Variants in KIAA1549 observed in about 807,000 individuals in gnomAD.
KIAA1549 encodes the protein UPF0606 protein KIAA1549.
A neutral mutation model predicts 156.4 loss-of-function variants in KIAA1549; 70 were observed. The observed-to-expected ratio is 0.45, with a 90% confidence interval of 0.37 to 0.55. KIAA1549 has a LOEUF of 0.55. KIAA1549 is among the 20% of genes least tolerant of loss of function. The probability of loss-of-function intolerance (pLI) is 0.00; values close to 1 mark genes in which losing one functional copy is unlikely to be tolerated. For synonymous variants in KIAA1549, 1,103 were observed against 1,066.4 expected, an observed-to-expected ratio of 1.03 and a Z score of -0.67; for missense variants, 2,428 against 2,540.9, an observed-to-expected ratio of 0.96 and a Z score of 0.96.
At chr7:138,950,176 T>C (rs1264213690) in intron 1 of KIAA1549, among the ~76,000 whole-genome samples, 2 of 152,240 alleles carry the variant, frequency 1.3e-5, no homozygotes, top group Admixed American at 6.5e-5. Context: ...GGTGTTGTTA[T>C]ACAGCCATTC....
intron 1 of KIAA1549, among the ~76,000 whole-genome samples, chr7:138,926,186 G>A (rs1812712650): frequency 6.6e-6 from 1 of 152,120 alleles, no homozygotes; most frequent in South Asian, 2.1e-4. Context: ...CAAAACAAGG[G>A]CTCCTGGCCC....
Position 138,918,073 on chromosome 7 carries a change from G to C in KIAA1549, c.1553C>G (p.Thr518Ser). The change falls in exon 2 of 20, where the codon ACC (threonine) becomes AGC (serine). Residue 518 changes from threonine (T) to serine (S), a missense_variant. Thr to Ser is a moderately conservative substitution (Grantham distance 58). Coordinates refer to ENST00000422774, the MANE Select transcript of KIAA1549 (RefSeq NM_001164665.2). The surrounding 1 kb of genome is among the most constrained non-coding windows in gnomAD (Gnocchi z 4.2). ...SAEVDMSSVT[T>S]TQVPPAHGRL... is the part of the protein sequence containing the mutation. Reference sequence around the variant, plus strand: ...GCCGTGGGCAGGGGGAACCTGTGTGGTTGTAACACTACTCATATCCACCTC... The same window carrying C: ...GCCGTGGGCAGGGGGAACCTGTGTGCTTGTAACACTACTCATATCCACCTC... The C allele has an allele frequency of 3.1e-6, 5 of 1,613,622 alleles. No homozygotes were observed. The highest frequency in any genetic ancestry group is 4.2e-6 in the Non-Finnish European group (5 of 1,179,770).
chr7:138,931,680 A>T (rs1356120277), intron 1 of KIAA1549, among the ~76,000 whole-genome samples: 1 of 147,950 alleles, frequency 6.8e-6, no homozygotes. Context: ...TGAACCCAGG[A>T]GGCAGAGGTT....
Position 138,906,962 on chromosome 7 carries a change from C to A in KIAA1549, c.3417G>T (p.Glu1139Asp). 1 of 1,612,190 alleles carries A rather than the reference C, an allele frequency of 6.2e-7. No individual in the cohort carries two copies. Among genetic ancestry groups the A allele is most frequent in the South Asian group, 1.1e-5 (1 of 90,724 alleles). Residue 1139 changes from glutamate (E) to aspartate (D), a missense_variant, in exon 6 of 20, where the codon GAG (glutamate) becomes GAT (aspartate). Glu to Asp is a conservative substitution (Grantham distance 45). Around this residue, in one of 5 missense-constraint regions of KIAA1549, gnomAD observed 762 missense variants for 901.6 expected, o/e 0.85. Coordinates refer to ENST00000422774, the MANE Select transcript of KIAA1549 (RefSeq NM_001164665.2). ...SELLRNLSVV[E>D]FSFYLGYPVL... ...CTGGGTATCCCAGATAGAAACTGAACTCCACCACACTCAAGTTTCTGAGCA... is the reference window on the plus strand; with the variant it reads ...CTGGGTATCCCAGATAGAAACTGAAATCCACCACACTCAAGTTTCTGAGCA...
At chr7:138,846,636 A>G (rs973310525) in intron 17 of KIAA1549, among the ~76,000 whole-genome samples, 15 of 152,074 alleles carry the variant, frequency 9.9e-5, no homozygotes, top group Non-Finnish European at 1.9e-4. Context: ...AAGGGAAATA[A>G]TATCTTAGTA....
In KIAA1549 at chr7:138,972,683, G is replaced by A. The variant is rs950931907; in HGVS notation, c.187+8400C>T. Among the ~76,000 whole-genome samples, 8 of 152,084 alleles carry A rather than the reference G, an allele frequency of 5.3e-5. No individual in the cohort carries two copies. In the East Asian group the frequency reaches 1.2e-3, roughly 22 times the overall value. On this transcript the variant is annotated intron_variant, in intron 1 of 19. Transcript: ENST00000422774. ...CTCCCAACCTTCCACCAGTCCCTCC[G>A]ATTCCTTCTCCCAACATTACTTCTT...
rs1809775225 is a variant in KIAA1549 at position 138,837,833 on chromosome 7, C to A, written c.*73G>T. ...GTTGCTCCTTCCTCTTCCAAACACC[C>A]ACTCAGTTGATTTCCTTTTGGTCTT... On this transcript the variant is annotated 3_prime_UTR_variant, in exon 20 of 20. Coordinates refer to ENST00000422774, the MANE Select transcript of KIAA1549 (RefSeq NM_001164665.2). 6.6e-7 allele frequency: 1 copy of A among 1,523,044 alleles called. No individual in the cohort carries two copies. The highest frequency in any genetic ancestry group is 2.3e-5 in the East Asian group (1 of 42,800). The allele number at this position is 1,523,044 out of a possible 1,614,324, so 94.3% of individuals were successfully genotyped here. A position where few individuals can be genotyped will look rare whatever the true frequency, so the allele number is the denominator to read the frequency against.
intron 1 of KIAA1549, among the ~76,000 whole-genome samples, chr7:138,961,825 G>T (rs935812489): frequency 1.5e-5 from 2 of 134,022 alleles, no homozygotes; most frequent in African/African-American, 5.8e-5. Context: ...CTAGGTGACA[G>T]ATAGAGGCTC....
chr7:138,980,898 T>C (rs1049037129), intron 1 of KIAA1549, among the ~76,000 whole-genome samples, 185 bp downstream of exon 1: 25 of 152,206 alleles, frequency 1.6e-4, no homozygotes, highest in African/African-American at 6.0e-4. Flanking sequence ...TTCGTTTTAA[T>C]TATTTATTTC....
At chr7:138,877,154 A>AT (rs1239136455) in intron 12 of KIAA1549, among the ~76,000 whole-genome samples, 1 of 152,092 alleles carries the variant, frequency 6.6e-6, no homozygotes, top group African/African-American at 2.4e-5. Context: ...ACCTCCATTA[A>AT]TTTTTACTTC....
At chr7:138,914,621 T>C (rs1488920972) in intron 2 of KIAA1549, among the ~76,000 whole-genome samples, 3 of 152,124 alleles carry the variant, frequency 2.0e-5, no homozygotes. Context: ...AGGTCCAACC[T>C]AAGCAAAGGT....
intron 16 of KIAA1549, among the ~76,000 whole-genome samples, chr7:138,856,466 C>T (rs17160581): frequency 0.096 from 14,612 of 152,198 alleles, 840 homozygotes; most frequent in East Asian, 0.22. Context: ...CTGCATTGCA[C>T]TAGCTGGAGT....
At position 138,840,331 on chromosome 7, in the gene KIAA1549, T is replaced by C. The variant is rs892010024; in HGVS notation, c.5453-53A>G. ...GTCAACATTTATAGGAGAGTATGGC[T>C]GCTGAGGATGGCTGCCGAGGAAGAC... On this transcript the variant is annotated intron_variant, in intron 18 of 19. Coordinates refer to ENST00000422774, the MANE Select transcript of KIAA1549 (RefSeq NM_001164665.2). 31 of 1,523,842 alleles carry C rather than the reference T, an allele frequency of 2.0e-5. No homozygotes were observed. In the African/African-American group the frequency reaches 3.6e-4, roughly 17 times the overall value. The allele number at this position is 1,523,842 out of a possible 1,614,324, so 94.4% of individuals were successfully genotyped here. A position where few individuals can be genotyped will look rare whatever the true frequency, so the allele number is the denominator to read the frequency against.
chr7:138,879,701 A>C, intron 11 of KIAA1549, 48 bp from the exon 12 acceptor site: 6 of 1,210,690 alleles, frequency 5.0e-6, no homozygotes, highest in African/African-American at 1.5e-5. Flanking sequence ...GAAAGAATGA[A>C]AAGGAAAAAG....
intron 1 of KIAA1549, among the ~76,000 whole-genome samples, chr7:138,941,184 T>G (rs1228371563): frequency 6.6e-6 from 1 of 152,214 alleles, no homozygotes; most frequent in Admixed American, 6.5e-5. Context: ...TGTAAGAACA[T>G]TTAATAAGTC....
intron 1 of KIAA1549, among the ~76,000 whole-genome samples, chr7:138,945,771 TC>T (rs1406684800): frequency 6.6e-6 from 1 of 152,208 alleles, no homozygotes. Flanking sequence ...AAGATTGGTT[TC>T]TTTTCACGGC....
At chr7:138,942,246 T>A (rs1404899886) in intron 1 of KIAA1549, among the ~76,000 whole-genome samples, 1 of 152,106 alleles carries the variant, frequency 6.6e-6, no homozygotes, top group Non-Finnish European at 1.5e-5. Flanking sequence ...CTTGAGCAGC[T>A]CTGTACAAAA....
At chr7:138,912,154 G>A (rs1260408247) in intron 3 of KIAA1549, among the ~76,000 whole-genome samples, 1 of 152,162 alleles carries the variant, frequency 6.6e-6, no homozygotes, top group Non-Finnish European at 1.5e-5. Context: ...TCCCCTAAAG[G>A]ACTAACCCTG....
In KIAA1549 at chr7:138,918,081, A is replaced by T; in HGVS notation, c.1545T>A (p.Ser515Arg). 1 of 1,613,808 alleles carries T rather than the reference A, an allele frequency of 6.2e-7. No individual in the cohort carries two copies. The highest frequency in any genetic ancestry group is 1.7e-5 in the Admixed American group (1 of 59,994). The change falls in exon 2 of 20, where the codon AGT (serine) becomes AGA (arginine). Residue 515 changes from serine to arginine, a missense_variant. This residue lies in a region of KIAA1549 where 893 missense variants were observed against 847.9 expected (regional missense o/e 1.05). Transcript: ENST00000422774. This position sits in a 1 kb window ranked among gnomAD's most constrained non-coding sequence, Gnocchi z 4.2. ...VGISAEVDMS[S>R]VTTTQVPPAH... ...CAGGGGGAACCTGTGTGGTTGTAAC[A>T]CTACTCATATCCACCTCGGCAGAAA... is the stretch of plus-strand genomic sequence containing the variant.
Sources: gnomAD v4.1 joint callset for allele counts (sites outside exome capture counted in the v4.1 genomes callset) on GRCh38, gnomAD v4.1.1 for gene constraint, gnomAD v4.1.1 regional missense constraint, Gnocchi (gnomAD v3.1) non-coding constraint, MANE v1.5 for transcripts, NCBI Gene and HGNC (gene_info 2026-07-23, HGNC 2026-07-21) for gene names.